ELAVL2: variants seen among roughly 807,000 people sequenced by gnomAD.
ELAVL2 encodes the protein ELAV-like protein 2.
In ELAVL2, 4 loss-of-function variants were observed where a neutral mutation model predicts 34.6. The ratio of observed to expected loss-of-function variants is 0.12; its 90% CI spans 0.06 to 0.26. The LOEUF is 0.26. ELAVL2 is among the 10% of genes least tolerant of loss of function. The pLI is 1.00. For synonymous variants in ELAVL2, 193 were observed against 154.8 expected, an observed-to-expected ratio of 1.25 and a Z score of -1.83; for missense variants, 432 against 442.8, an observed-to-expected ratio of 0.98 and a Z score of 0.22.
At chr9:23,729,260 T>C (rs896750349) in intron 3 of ELAVL2, among the ~76,000 whole-genome samples, 4 of 152,200 alleles carry the variant, frequency 2.6e-5, no homozygotes, top group Non-Finnish European at 4.4e-5. Flanking sequence ...ACAAGCCATC[T>C]TGACCACCTA....
chr9:23,696,989 C>T (rs972653897), intron 5 of ELAVL2, among the ~76,000 whole-genome samples: 3 of 151,862 alleles, frequency 2.0e-5, no homozygotes, highest in Admixed American at 6.6e-5. Flanking sequence ...ATGCACTGAA[C>T]CCAGTACCTT....
rs2033292117 is a variant in ELAVL2, at chr9:23,691,879, A to G, written c.*678T>C. 1.3e-5 allele frequency: 2 copies of G among 152,392 alleles called. No homozygotes were observed. Among genetic ancestry groups the G allele is most frequent in the Admixed American group, 1.3e-4 (2 of 15,248 alleles). 9.4% of individuals were successfully genotyped at this position (152,392 alleles called of 1,614,324 possible). ...CAGGACCAGTAAAAAGTTTCTCCAA[A>G]TTTTCTTTTTTATAAAAATAGATGC... is the stretch of plus-strand genomic sequence containing the variant. On this transcript the variant is annotated 3_prime_UTR_variant, in exon 7 of 7. Coordinates refer to ENST00000397312, the MANE Select transcript of ELAVL2 (RefSeq NM_004432.5).
intron 2 of ELAVL2, among the ~76,000 whole-genome samples, chr9:23,739,485 G>A (rs2048646376): frequency 6.6e-6 from 1 of 152,066 alleles, no homozygotes. Context: ...TGGGTATGCT[G>A]CAACTTTCTC....
intron 1 of ELAVL2, among the ~76,000 whole-genome samples, chr9:23,819,424 CTGAG>C (rs1440018620): frequency 6.6e-6 from 1 of 152,140 alleles, no homozygotes; most frequent in Non-Finnish European, 1.5e-5. Flanking sequence ...CCTTTTGACA[CTGAG>C]TGTCAAAAGA....
At chr9:23,778,293 A>G (rs909678740) in intron 1 of ELAVL2, among the ~76,000 whole-genome samples, 12 of 152,194 alleles carry the variant, frequency 7.9e-5, no homozygotes, top group African/African-American at 2.9e-4. Context: ...CCTCCAGGCC[A>G]AAGTTCGGAC....
chr9:23,806,412 G>C (rs534040780), intron 1 of ELAVL2, among the ~76,000 whole-genome samples: 2 of 152,190 alleles, frequency 1.3e-5, no homozygotes, highest in South Asian at 4.1e-4. Context: ...AAAGCAGAAG[G>C]ATCCCTTGAG....
intron 1 of ELAVL2, among the ~76,000 whole-genome samples, chr9:23,780,407 T>A (rs2058902734): frequency 6.6e-6 from 1 of 152,190 alleles, no homozygotes; most frequent in Non-Finnish European, 1.5e-5. Flanking sequence ...ATTTCCAACT[T>A]AATAAACTTG....
intron 1 of ELAVL2, among the ~76,000 whole-genome samples, chr9:23,786,429 A>T (rs1043421763): frequency 2.0e-5 from 3 of 152,156 alleles, no homozygotes; most frequent in African/African-American, 4.8e-5. Context: ...GAGCTACTGA[A>T]ATGACAACAA....
intron 1 of ELAVL2, among the ~76,000 whole-genome samples, chr9:23,797,145 T>C (rs1588605157): frequency 6.6e-6 from 1 of 152,142 alleles, no homozygotes; most frequent in East Asian, 1.9e-4. Context: ...CAACAGGATT[T>C]GAAGAGTTTA....
intron 5 of ELAVL2, among the ~76,000 whole-genome samples, chr9:23,696,017 T>C (rs1361634745): frequency 2.0e-5 from 3 of 152,198 alleles, no homozygotes; most frequent in Admixed American, 6.5e-5. Flanking sequence ...GCATCTTTTT[T>C]ACCCTATCTG....
At chr9:23,718,672 C>T (rs1380638209) in intron 3 of ELAVL2, among the ~76,000 whole-genome samples, 1 of 152,174 alleles carries the variant, frequency 6.6e-6, no homozygotes, top group East Asian at 1.9e-4. Context: ...TTTTGTGGGG[C>T]TGACATAAGT....
At chr9:23,787,955 A>G (rs2059897044) in intron 1 of ELAVL2, among the ~76,000 whole-genome samples, 3 of 152,194 alleles carry the variant, frequency 2.0e-5, no homozygotes, top group Admixed American at 2.0e-4. Context: ...GATCCAGACT[A>G]ACTTCAGGGA....
intron 1 of ELAVL2, among the ~76,000 whole-genome samples, chr9:23,778,449 AT>A (rs2136650269): frequency 6.6e-6 from 1 of 152,348 alleles, no homozygotes; most frequent in African/African-American, 2.4e-5. Context: ...ATAAAACTAT[AT>A]TTCTGATTTC....
intron 2 of ELAVL2, among the ~76,000 whole-genome samples, chr9:23,756,044 C>T (rs539509262): frequency 4.9e-4 from 75 of 152,232 alleles, no homozygotes; most frequent in African/African-American, 1.8e-3. Context: ...TAAAATACCA[C>T]TTATCTGTTT....
At chr9:23,791,033 G>GT in intron 1 of ELAVL2, among the ~76,000 whole-genome samples, 1 of 152,300 alleles carries the variant, frequency 6.6e-6, no homozygotes, top group East Asian at 1.9e-4. Context: ...TATATGTTCT[G>GT]TTTAAGTGGC....
chr9:23,830,408 T>G (rs756150732), upstream of ELAVL2: 3 of 152,110 alleles, frequency 2.0e-5, no homozygotes, highest in Non-Finnish European at 4.4e-5. Flanking sequence ...GTCTGTAAAC[T>G]CCTGTTCAAG....
intron 1 of ELAVL2, among the ~76,000 whole-genome samples, chr9:23,782,192 A>T (rs2136862745): frequency 6.6e-6 from 1 of 152,324 alleles, no homozygotes; most frequent in Non-Finnish European, 1.5e-5. Context: ...TGAACAGCAG[A>T]CGGTGATGTT....
chr9:23,713,536 G>A (rs183267725), intron 3 of ELAVL2, among the ~76,000 whole-genome samples: 19 of 152,180 alleles, frequency 1.2e-4, no homozygotes, highest in East Asian at 3.9e-4. Flanking sequence ...GAGTTTTAGC[G>A]TAACCACCAA....
At chr9:23,740,122 C>T (rs2048819650) in intron 2 of ELAVL2, among the ~76,000 whole-genome samples, 1 of 152,072 alleles carries the variant, frequency 6.6e-6, no homozygotes, top group Admixed American at 6.6e-5. Flanking sequence ...GTTCACCAGC[C>T]CAAACCTTCC....
Sources: allele counts gnomAD v4.1 joint callset (sites outside exome capture counted in the v4.1 genomes callset), GRCh38; gene constraint gnomAD v4.1.1; transcripts MANE v1.5; gene names NCBI Gene and HGNC (gene_info 2026-07-23, HGNC 2026-07-21).